Variants in ARMC2 observed in about 807,000 individuals in gnomAD.
The protein encoded by ARMC2 is armadillo repeat-containing protein 2.
A neutral mutation model predicts 90.3 loss-of-function variants in ARMC2; 67 were observed. The ratio of observed to expected loss-of-function variants is 0.74; its 90% CI spans 0.61 to 0.91. The LOEUF (loss-of-function observed/expected upper bound fraction) is 0.91, where lower values mean the gene tolerates loss of function less well. Ranked by LOEUF, ARMC2 falls within the 40% of genes least tolerant of loss-of-function variation. The pLI is 0.00. For synonymous variants in ARMC2, 393 were observed against 393.0 expected (o/e 1.00, Z 0.00); for missense variants, 920 against 1,030.9 (o/e 0.89, Z 1.47).
chr6:108,946,861 T>A (rs565179613), intron 12 of ARMC2, among the ~76,000 whole-genome samples: 2 of 152,154 alleles, frequency 1.3e-5, no homozygotes, highest in Non-Finnish European at 2.9e-5. Context: ...ATTATGCACA[T>A]GAGTTATTTT....
intron 10 of ARMC2, among the ~76,000 whole-genome samples, chr6:108,921,614 T>TGGGTTTCTTCTGGTAACCCAGAGCC (rs1774579439): frequency 6.6e-6 from 1 of 152,232 alleles, no homozygotes; most frequent in Non-Finnish European, 1.5e-5. Context: ...ATGAAACTTC[T>TGGGTTTCTTCTGGTAACCCAGAGCC]TGGGTTACCA....
In ARMC2 at chr6:108,965,103, CA is replaced by C; in HGVS notation, c.2410del (p.Thr804ProfsTer12). 2 of 1,613,418 alleles carry C rather than the reference CA, an allele frequency of 1.2e-6. No homozygotes were observed. Among genetic ancestry groups the C allele is most frequent in the Non-Finnish European group, 1.7e-6 (2 of 1,179,430 alleles). ...CTTCGTCATGTTTTGGAAATGAAGA[CA>C]CCAACACACTCTTACTCTTGCTCTC... ...NASSCFGNEDTNTLLLLLSSF... is the reference protein window; with the variant it reads ...NASSCFGNEDXNTLLLLLSSF... On this transcript the variant is annotated frameshift_variant, in exon 17 of 18. Coordinates refer to ENST00000392644, the MANE Select transcript of ARMC2 (RefSeq NM_032131.6). LOFTEE classifies it high-confidence loss of function.
In ARMC2 at chr6:108,953,498, C is replaced by T. The variant is rs372262034; in HGVS notation, c.1915+147C>T. 37 of 791,418 alleles carry T rather than the reference C, an allele frequency of 4.7e-5. No homozygotes were observed. The African/African-American group carries it at 5.4e-4, about 12-fold the overall frequency. 49.0% of individuals were successfully genotyped at this position (791,418 alleles called of 1,614,324 possible). A position where few individuals can be genotyped will look rare whatever the true frequency, so the allele number is the denominator to read the frequency against. The stretch of plus-strand genomic sequence containing the variant: ...CTTAGCTGTATGAAGGAAATTCCCT[C>T]TTCTGTTCAGAACTGTCTTAAAAGT... On this transcript the variant is annotated intron_variant, in intron 13 of 17. Coordinates refer to ENST00000392644, the MANE Select transcript of ARMC2 (RefSeq NM_032131.6).
At chr6:108,904,142 G>T in intron 7 of ARMC2, 88 bp from the exon 8 acceptor site, 1 of 1,405,606 alleles carries the variant, frequency 7.1e-7, no homozygotes, top group Non-Finnish European at 9.8e-7. Flanking sequence ...AATAATTATG[G>T]GGTTTTTACT....
chr6:108,939,675 A>G (rs1418003676), intron 12 of ARMC2, among the ~76,000 whole-genome samples: 4 of 152,200 alleles, frequency 2.6e-5, no homozygotes, highest in Admixed American at 6.5e-5. Flanking sequence ...ATTTATTTGT[A>G]GCAATGCAAG....
chr6:108,900,814 G>A (rs2806373), intron 7 of ARMC2, among the ~76,000 whole-genome samples: 104,476 of 151,910 alleles, frequency 0.69, 36,902 homozygotes, highest in Middle Eastern at 0.78. Flanking sequence ...TGCCAGATGA[G>A]GTGGAGATTA....
At chr6:108,945,428 A>C (rs1776734758) in intron 12 of ARMC2, among the ~76,000 whole-genome samples, 1 of 152,262 alleles carries the variant, frequency 6.6e-6, no homozygotes, top group Admixed American at 6.5e-5. Flanking sequence ...GATCAAAAAG[A>C]ACAACCTTTG....
chr6:108,904,510 G>T, intron 8 of ARMC2, 105 bp downstream of exon 8: 1 of 1,143,192 alleles, frequency 8.7e-7, no homozygotes, highest in Non-Finnish European at 1.2e-6. Flanking sequence ...CAGTGTATTT[G>T]TTTAGAATCT....
In ARMC2 at chr6:108,869,874, G is replaced by A. The variant is rs140441616; in HGVS notation, c.463+879G>A. ...ACTGTGGAAAAGGACCCAGAAGTGGGATGACAATCAATTTAGTGGATCACA... is the reference window on the plus strand; with the variant it reads ...ACTGTGGAAAAGGACCCAGAAGTGGAATGACAATCAATTTAGTGGATCACA... On this transcript the variant is annotated intron_variant, in intron 4 of 17. Transcript: ENST00000392644. Among the ~76,000 whole-genome samples, 1,140 of 152,276 alleles carry A rather than the reference G, an allele frequency of 7.5e-3. 11 individuals are homozygous for A. The highest frequency in any genetic ancestry group is 0.012 in the Non-Finnish European group (839 of 68,020).
At chr6:108,998,682 T>G in the ARMC2 span, 2 of 1,613,874 alleles carry the variant, frequency 1.2e-6, no homozygotes, top group South Asian at 2.2e-5. Context: ...AAGAGAATGA[T>G]AGTGTGTGAG....
At chr6:108,865,473 A>C (rs1775720899) in intron 3 of ARMC2, among the ~76,000 whole-genome samples, 1 of 152,262 alleles carries the variant, frequency 6.6e-6, no homozygotes, top group Non-Finnish European at 1.5e-5. Flanking sequence ...AAAGAATTAA[A>C]AATGCTTTAC....
chr6:108,965,750 T>A (rs1583229158), intron 17 of ARMC2, among the ~76,000 whole-genome samples: 1 of 151,852 alleles, frequency 6.6e-6, no homozygotes, highest in South Asian at 2.1e-4. Context: ...GCTCAAGTGA[T>A]CCTCCTGCCT....
chr6:108,904,197 G>A, intron 7 of ARMC2, 33 bp from the exon 8 acceptor site: 1 of 1,603,230 alleles, frequency 6.2e-7, no homozygotes. Context: ...ACCTTAATTA[G>A]TAAGTGTTGC....
chr6:108,959,986 AATTTTTTGT>A (rs1300176983), intron 13 of ARMC2, among the ~76,000 whole-genome samples: 1 of 151,984 alleles, frequency 6.6e-6, no homozygotes, highest in Non-Finnish European at 1.5e-5. Flanking sequence ...ACACCCGGCT[AATTTTTTGT>A]ATTTTTTGTA....
intron 5 of ARMC2, among the ~76,000 whole-genome samples, chr6:108,885,005 C>T (rs182308371): frequency 9.8e-4 from 149 of 152,268 alleles, no homozygotes; most frequent in Non-Finnish European, 1.9e-3. Flanking sequence ...CTCACAGGTA[C>T]AGCACTGACA....
At chr6:109,014,330 C>T in the ARMC2 span, among the ~76,000 whole-genome samples, 1 of 152,166 alleles carries the variant, frequency 6.6e-6, no homozygotes, top group Non-Finnish European at 1.5e-5. Flanking sequence ...CAACACTTTA[C>T]ATGTATAAAG....
At chr6:108,916,378 A>C (rs745917859) in intron 10 of ARMC2, among the ~76,000 whole-genome samples, 7 of 152,230 alleles carry the variant, frequency 4.6e-5, no homozygotes, top group African/African-American at 7.2e-5. Context: ...CCAACATTGC[A>C]TTCAGTTCTG....
intron 8 of ARMC2, among the ~76,000 whole-genome samples, chr6:108,905,952 T>C (rs1009667455): frequency 6.6e-6 from 1 of 152,168 alleles, no homozygotes; most frequent in African/African-American, 2.4e-5. Flanking sequence ...AGATCTTGTT[T>C]AGCTTAGGCC....
chr6:108,935,098 T>C (rs141933478), intron 11 of ARMC2, among the ~76,000 whole-genome samples: 1 of 152,328 alleles, frequency 6.6e-6, no homozygotes, highest in African/African-American at 2.4e-5. Flanking sequence ...GAATTCATAC[T>C]TTGAACCACT....
Sources: allele counts gnomAD v4.1 joint callset (sites outside exome capture counted in the v4.1 genomes callset), GRCh38; gene constraint gnomAD v4.1.1; transcripts MANE v1.5; gene names NCBI Gene and HGNC (gene_info 2026-07-23, HGNC 2026-07-21).